Variants in LYVE1 observed in about 807,000 individuals in gnomAD.
LYVE1 encodes lymphatic vessel endothelial hyaluronan receptor 1, also known as lymphatic vessel endothelial hyaluronic acid receptor 1.
A neutral mutation model predicts 31.5 loss-of-function variants in LYVE1; 29 were observed. That is an observed-to-expected ratio of 0.92 (90% CI 0.69 to 1.26). The LOEUF (loss-of-function observed/expected upper bound fraction) is 1.26. LYVE1 is among the 50% of genes most tolerant of loss of function. The probability of loss-of-function intolerance (pLI) is 0.00; values close to 1 mark genes in which losing one functional copy is unlikely to be tolerated. For synonymous variants in LYVE1, 134 were observed against 139.4 expected (o/e 0.96, Z 0.27); for missense variants, 376 against 380.2 (o/e 0.99, Z 0.09).
intron 1 of LYVE1, among the ~76,000 whole-genome samples, chr11:10,567,629 A>T (rs1169026733): frequency 1.3e-5 from 2 of 152,172 alleles, no homozygotes; most frequent in Non-Finnish European, 2.9e-5. Context: ...TCAGATTTTC[A>T]TTTGCCCAGA....
intron 3 of LYVE1, among the ~76,000 whole-genome samples, chr11:10,562,995 C>T (rs979674550): frequency 6.9e-5 from 10 of 144,718 alleles, no homozygotes; most frequent in African/African-American, 2.6e-4. Flanking sequence ...ACTCTGTCGC[C>T]CAGGCTGGAG....
At position 10,558,781 on chromosome 11, in the gene LYVE1, A is replaced by G; in HGVS notation, c.*330T>C. The G allele has an allele frequency of 4.7e-6, 1 of 212,802 alleles. No homozygotes were observed. Among genetic ancestry groups the G allele is most frequent in the East Asian group, 1.0e-4 (1 of 9,730 alleles). 13.2% of individuals were successfully genotyped at this position (212,802 alleles called of 1,614,324 possible). A position where few individuals can be genotyped will look rare whatever the true frequency, so the allele number is the denominator to read the frequency against. On this transcript the variant is annotated 3_prime_UTR_variant, in exon 6 of 6. Coordinates refer to ENST00000256178, the MANE Select transcript of LYVE1 (RefSeq NM_006691.4). Reference sequence around the variant, plus strand: ...CCTCAGACAGCCAGGAGGCCTTTTTACCACTGGATACTGATGAGATGTTTT... The same window carrying G: ...CCTCAGACAGCCAGGAGGCCTTTTTGCCACTGGATACTGATGAGATGTTTT...
At chr11:10,562,519 G>T (rs1300515789) in intron 3 of LYVE1, among the ~76,000 whole-genome samples, 1 of 152,136 alleles carries the variant, frequency 6.6e-6, no homozygotes, top group East Asian at 1.9e-4. Context: ...TTATCTCTCG[G>T]ATCTTCGAGA....
Position 10,568,490 on chromosome 11 carries a change from A to G in LYVE1, c.43T>C (p.Trp15Arg). 1 of 1,614,134 alleles carries G rather than the reference A, an allele frequency of 6.2e-7. No homozygotes were observed. ...CCTTGGACCAGGAGCCTCGTGGTCC[A>G]GATGGAAGTGAGAAGCAACACCAGG... ...FSLVLLLTSI[W>R]TTRLLVQGSL... is the part of the protein sequence containing the mutation. Residue 15 changes from tryptophan to arginine, a missense_variant, in exon 1 of 6, where the codon TGG (tryptophan) becomes CGG (arginine). Coordinates refer to ENST00000256178, the MANE Select transcript of LYVE1 (RefSeq NM_006691.4).
rs1407936223 is a variant in LYVE1 at position 10,559,156 on chromosome 11, C to T, written c.924G>A (p.Lys308=). ...ATCGCACGGTAGTTTTGCTTGGACTCTTGGACTCTTCTGGGTTTTTATCAG... is the reference window on the plus strand; with the variant it reads ...ATCGCACGGTAGTTTTGCTTGGACTTTTGGACTCTTCTGGGTTTTTATCAG... The part of the protein sequence containing the change: ...KKTDKNPEES[K]SPSKTTVRCL... The change falls in exon 6 of 6, where the codon AAG becomes AAA. Residue 308 remains lysine (K), a synonymous_variant. Coordinates refer to ENST00000256178, the MANE Select transcript of LYVE1 (RefSeq NM_006691.4). The T allele has an allele frequency of 6.2e-7, 1 of 1,614,152 alleles. No individual in the cohort carries two copies. The highest frequency in any genetic ancestry group is 2.2e-5 in the East Asian group (1 of 44,870).
rs368988385 is a variant in LYVE1 at position 10,568,635 on chromosome 11, G to T, written c.-103C>A. 59 of 1,435,040 alleles carry T rather than the reference G, an allele frequency of 4.1e-5. No homozygotes were observed. The African/African-American group carries it at 6.7e-4, about 16-fold the overall frequency. 88.9% of individuals were successfully genotyped at this position (1,435,040 alleles called of 1,614,324 possible). A position where few individuals can be genotyped will look rare whatever the true frequency, so the allele number is the denominator to read the frequency against. On this transcript the variant is annotated 5_prime_UTR_variant, in exon 1 of 6. Coordinates refer to ENST00000256178, the MANE Select transcript of LYVE1 (RefSeq NM_006691.4). The stretch of plus-strand genomic sequence containing the variant: ...TCCGGATGGAGAGTTCTGGAACTAT[G>T]TTGAGGCTCACACTCACTGCTCCAC...
chr11:10,563,340 G>A (rs1241069150), intron 3 of LYVE1, among the ~76,000 whole-genome samples: 1 of 151,902 alleles, frequency 6.6e-6, no homozygotes, highest in Admixed American at 6.6e-5. Context: ...AACCAACCTT[G>A]GATTGAAAAT....
Position 10,559,158 on chromosome 11 carries a change from T to C in LYVE1, c.922A>G (p.Lys308Glu). 1 of 1,614,214 alleles carries C rather than the reference T, an allele frequency of 6.2e-7. No individual in the cohort carries two copies. Among genetic ancestry groups the C allele is most frequent in the Non-Finnish European group, 8.5e-7 (1 of 1,180,026 alleles). ...KKTDKNPEES[K>E]SPSKTTVRCL... The stretch of plus-strand genomic sequence containing the variant: ...CGCACGGTAGTTTTGCTTGGACTCT[T>C]GGACTCTTCTGGGTTTTTATCAGTT... Residue 308 changes from lysine to glutamate, a missense_variant, in exon 6 of 6, where the codon AAG (lysine) becomes GAG (glutamate). Transcript: ENST00000256178.
Position 10,564,047 on chromosome 11 carries a change from A to G in LYVE1, c.290T>C (p.Ile97Thr). Residue 97 changes from isoleucine (I) to threonine (T), a missense_variant, in exon 3 of 6, where the codon ATC (isoleucine) becomes ACC (threonine). Physicochemically the swap from Ile to Thr is moderately conservative, Grantham distance 89. Transcript: ENST00000256178. ...CTTGGGGTTTGGGCTAATCCTAGAGATGACCACGAATCCATCTCCAACCCA... is the reference window on the plus strand; with the variant it reads ...CTTGGGGTTTGGGCTAATCCTAGAGGTGACCACGAATCCATCTCCAACCCA... Reference protein sequence around the residue: ...YGWVGDGFVVISRISPNPKCG... With the variant: ...YGWVGDGFVVTSRISPNPKCG... 1.9e-6 allele frequency: 3 copies of G among 1,614,230 alleles called. No homozygotes were observed. The South Asian group carries it at 3.3e-5, about 18-fold the overall frequency.
At position 10,568,596 on chromosome 11, in the gene LYVE1, T is replaced by C. The variant is rs144105194; in HGVS notation, c.-64A>G. On this transcript the variant is annotated 5_prime_UTR_variant, in exon 1 of 6. Coordinates refer to ENST00000256178, the MANE Select transcript of LYVE1 (RefSeq NM_006691.4). ...GGCCACTGGTGATATGAGAGGCAGA[T>C]GCTCAATAACTAGTCCGGATGGAGA... The C allele has an allele frequency of 3.0e-5, 48 of 1,575,672 alleles. No individual in the cohort carries two copies. In the African/African-American group the frequency reaches 6.3e-4, roughly 21 times the overall value.
chr11:10,559,990 C>T, intron 4 of LYVE1, 96 bp from the exon 5 acceptor site: 1 of 890,626 alleles, frequency 1.1e-6, no homozygotes. Context: ...GTAGACAGTA[C>T]AGGAGAAAAA....
Position 10,558,149 on chromosome 11 carries a change from A to C in LYVE1, c.*962T>G, listed in dbSNP as rs1036858907. 4 of 152,242 alleles carry C rather than the reference A, an allele frequency of 2.6e-5. No individual in the cohort carries two copies. The highest frequency in any genetic ancestry group is 4.4e-5 in the Non-Finnish European group (3 of 68,042). The allele number at this position is 152,242 out of a possible 1,614,324, so 9.4% of individuals were successfully genotyped here. A position where few individuals can be genotyped will look rare whatever the true frequency, so the allele number is the denominator to read the frequency against. ...TCAAAACTGAAAAAAATAGCTTCCC[A>C]GATAGCGTTCTACTATGTGCAATTT... On this transcript the variant is annotated 3_prime_UTR_variant, in exon 6 of 6. Transcript: ENST00000256178.
intron 3 of LYVE1, among the ~76,000 whole-genome samples, chr11:10,563,200 C>T (rs557883667): frequency 8.6e-5 from 13 of 151,942 alleles, no homozygotes; most frequent in Non-Finnish European, 1.8e-4. Context: ...CTGCCCGCCT[C>T]GGCCTCCCAA....
At chr11:10,566,245 G>T (rs1285350808) in intron 1 of LYVE1, among the ~76,000 whole-genome samples, 1 of 151,984 alleles carries the variant, frequency 6.6e-6, no homozygotes. Context: ...GACTAGCTGG[G>T]ACTACAGACG....
intron 1 of LYVE1, among the ~76,000 whole-genome samples, chr11:10,564,662 G>GT (rs1288403757): frequency 3.3e-5 from 5 of 152,194 alleles, no homozygotes; most frequent in African/African-American, 1.2e-4. Context: ...GCTACCTGTT[G>GT]TTGGGGTGCA....
At chr11:10,563,417 T>C (rs535156623) in intron 3 of LYVE1, among the ~76,000 whole-genome samples, 36 of 152,294 alleles carry the variant, frequency 2.4e-4, no homozygotes, top group Non-Finnish European at 4.3e-4. Context: ...CAATGACTGT[T>C]TACATAGCAT....
intron 3 of LYVE1, among the ~76,000 whole-genome samples, chr11:10,561,740 C>T (rs566664104): frequency 4.6e-5 from 7 of 152,038 alleles, no homozygotes; most frequent in Non-Finnish European, 1.0e-4. Flanking sequence ...AATGGCAGAG[C>T]CATGCAATAT....
intron 3 of LYVE1, among the ~76,000 whole-genome samples, chr11:10,563,032 C>T (rs1850462894): frequency 7.2e-6 from 1 of 137,946 alleles, no homozygotes; most frequent in African/African-American, 2.7e-5. Flanking sequence ...TGGCTCACTG[C>T]AAGCTCCGCC....
chr11:10,560,895 C>T (rs774773894), intron 3 of LYVE1, 95 bp from the exon 4 acceptor site: 11 of 988,278 alleles, frequency 1.1e-5, no homozygotes, highest in African/African-American at 3.3e-5. Flanking sequence ...CCCCTTATAC[C>T]GCAGCTGGAA....
Sources: allele counts gnomAD v4.1 joint callset (sites outside exome capture counted in the v4.1 genomes callset), GRCh38; gene constraint gnomAD v4.1.1; transcripts MANE v1.5; gene names NCBI Gene and HGNC (gene_info 2026-07-23, HGNC 2026-07-21).